LIPA: variants seen among roughly 807,000 people sequenced by gnomAD.
The protein encoded by LIPA is lipase A, lysosomal acid type, also known as lysosomal acid lipase/cholesteryl ester hydrolase.
In LIPA, 26 loss-of-function variants were observed where a neutral mutation model predicts 40.6. The observed-to-expected ratio is 0.64, with a 90% CI of 0.47 to 0.89. The LOEUF is 0.89. Among genes scored for constraint, LIPA ranks in the 40% least tolerant of loss-of-function variants. The pLI is 0.00. For missense variants in LIPA, 455 were observed against 479.6 expected (o/e 0.95, Z 0.48); for synonymous variants, 188 against 168.4 (o/e 1.12, Z -0.90).
intron 2 of LIPA, among the ~76,000 whole-genome samples, chr10:89,351,550 A>G (rs945264334): frequency 1.3e-5 from 2 of 152,222 alleles, no homozygotes; most frequent in Non-Finnish European, 2.9e-5. Context: ...GTTCAGCACA[A>G]CACAAACTAA....
intron 1 of LIPA, among the ~76,000 whole-genome samples, chr10:89,324,105 C>T (rs1174908030): frequency 6.6e-6 from 1 of 151,806 alleles, no homozygotes; most frequent in Non-Finnish European, 1.5e-5. Context: ...GAATAGAGAG[C>T]CCATGTTACC....
chr10:89,338,621 G>T (rs773740827), intron 1 of LIPA: 335 of 1,572,452 alleles, frequency 2.1e-4, no homozygotes, highest in Non-Finnish European at 2.7e-4. Context: ...GCAGTGCTTG[G>T]CAGTGTACAT....
At chr10:89,413,839 CAT>C (rs1841501331) in intron 1 of LIPA, among the ~76,000 whole-genome samples, 2 of 151,376 alleles carry the variant, frequency 1.3e-5, no homozygotes, top group South Asian at 4.2e-4. Context: ...TGAATACAGA[CAT>C]TAACTCAATA....
chr10:89,403,606 G>T (rs774785394), intron 2 of LIPA: 7 of 1,614,030 alleles, frequency 4.3e-6, no homozygotes, highest in Non-Finnish European at 5.9e-6. Flanking sequence ...AGCCTCCTTG[G>T]GTTCGTCTAC....
intron 2 of LIPA, chr10:89,403,550 G>T: frequency 6.2e-7 from 1 of 1,614,014 alleles, no homozygotes; most frequent in Non-Finnish European, 8.5e-7. Context: ...TGAAGAAATT[G>T]GTTTTAAGGA....
intron 4 of LIPA, 23 bp from the exon 5 acceptor site, chr10:89,227,027 T>C: frequency 7.3e-7 from 1 of 1,375,108 alleles, no homozygotes; most frequent in Non-Finnish European, 1.0e-6. Flanking sequence ...AAAGGAACTC[T>C]TTCATTGAAA....
intron 1 of LIPA, chr10:89,339,846 G>A (rs190798694): frequency 6.2e-7 from 1 of 1,614,200 alleles, no homozygotes. Flanking sequence ...ACAAGGAAGA[G>A]ATCAAAGACC....
At chr10:89,312,793 A>G (rs963544744) in intron 1 of LIPA, among the ~76,000 whole-genome samples, 1 of 151,804 alleles carries the variant, frequency 6.6e-6, no homozygotes, top group African/African-American at 2.4e-5. Flanking sequence ...TGGGTGACAC[A>G]GCAAGACTCC....
At chr10:89,274,404 G>GACGGGGTATGTGT (rs1213327305) in intron 1 of LIPA, among the ~76,000 whole-genome samples, 1 of 152,186 alleles carries the variant, frequency 6.6e-6, no homozygotes, top group African/African-American at 2.4e-5. Flanking sequence ...GAGGAGCAGT[G>GACGGGGTATGTGT]ACGGGGTATG....
At chr10:89,370,857 A>G (rs565882401) in intron 2 of LIPA, among the ~76,000 whole-genome samples, 14 of 152,148 alleles carry the variant, frequency 9.2e-5, no homozygotes, top group African/African-American at 3.4e-4. Context: ...CTCTACTGAA[A>G]AAGTACAAAA....
upstream of LIPA, among the ~76,000 whole-genome samples, chr10:89,255,195 A>G (rs1050061009): frequency 6.6e-6 from 1 of 152,216 alleles, no homozygotes. Context: ...AGACATACCC[A>G]AAACTAGGTA....
rs561712844 is a variant in LIPA, at chr10:89,402,243, C to T, written c.61+10548G>A. ...ATCTGACTTTTTTCTTTTAGCTGTT[C>T]CTCACCTAACAAAGAAAATCTGTTT... is the stretch of plus-strand genomic sequence containing the variant. On this transcript the variant is annotated intron_variant, in intron 2 of 8. Coordinates refer to the LIPA transcript ENST00000371837. 5.0e-5 allele frequency: 68 copies of T among 1,358,454 alleles called. No homozygotes were observed. The South Asian group carries it at 8.5e-4, about 17-fold the overall frequency. 84.2% of individuals were successfully genotyped at this position (1,358,454 alleles called of 1,614,324 possible). A position where few individuals can be genotyped will look rare whatever the true frequency, so the allele number is the denominator to read the frequency against.
intron 1 of LIPA, among the ~76,000 whole-genome samples, chr10:89,274,134 G>A (rs1843278654): frequency 6.6e-6 from 1 of 152,264 alleles, no homozygotes; most frequent in Non-Finnish European, 1.5e-5. Flanking sequence ...TGTGCCAGTG[G>A]CCCTTGGACA....
rs764984272 is a variant in LIPA, at chr10:89,339,742, C to T, written c.-2+2869G>A. 41 of 1,614,016 alleles carry T rather than the reference C, an allele frequency of 2.5e-5. No homozygotes were observed. The highest frequency in any genetic ancestry group is 3.3e-5 in the South Asian group (3 of 91,086). On this transcript the variant is annotated intron_variant, in intron 1 of 5. Transcript: ENST00000282673. ...TGCTGAAAAGCAACAATCCCATCAGCGCTACTGCAACCTTCAGAAATATAA... is the reference window on the plus strand; with the variant it reads ...TGCTGAAAAGCAACAATCCCATCAGTGCTACTGCAACCTTCAGAAATATAA...
At chr10:89,276,045 C>T (rs1122783) in intron 1 of LIPA, among the ~76,000 whole-genome samples, 78,527 of 151,988 alleles carry the variant, frequency 0.52, 20,955 homozygotes, top group East Asian at 0.88. Flanking sequence ...GTAGAGGATG[C>T]TAAGCTTTAA....
At chr10:89,371,432 T>A (rs865782267) in intron 2 of LIPA, among the ~76,000 whole-genome samples, 1 of 152,256 alleles carries the variant, frequency 6.6e-6, no homozygotes, top group Non-Finnish European at 1.5e-5. Flanking sequence ...ATGTCTTCTA[T>A]GAGCCTCACA....
intron 2 of LIPA, among the ~76,000 whole-genome samples, chr10:89,369,255 A>G (rs17476559): frequency 0.14 from 21,856 of 152,192 alleles, 2,198 homozygotes; most frequent in Non-Finnish European, 0.21. Context: ...GGGCCCCAGA[A>G]TGTCTCTTAA....
chr10:89,394,648 G>T lies in LIPA; in HGVS notation c.61+18143C>A, dbSNP rs1844314919. Among the ~76,000 whole-genome samples, 5 of 132,154 alleles carry T rather than the reference G, an allele frequency of 3.8e-5. No individual in the cohort carries two copies. The South Asian group carries it at 9.6e-4, about 25-fold the overall frequency. The allele number at this position is 132,154 out of a possible 152,430, so 86.7% of individuals were successfully genotyped here. A position where few individuals can be genotyped will look rare whatever the true frequency, so the allele number is the denominator to read the frequency against. On this transcript the variant is annotated intron_variant, in intron 2 of 8. Transcript: ENST00000371837. ...TATATAAAACTTGAATTTTATTCAG[G>T]TTAGCAATGTGATTTTTTATTGTGA...
chr10:89,374,798 C>G (rs304508), intron 2 of LIPA, among the ~76,000 whole-genome samples: 49,121 of 152,054 alleles, frequency 0.32, 8,933 homozygotes, highest in East Asian at 0.53. Context: ...CTCTTCTCCC[C>G]CTACACAGGT....
Sources: gnomAD v4.1 joint callset for allele counts (sites outside exome capture counted in the v4.1 genomes callset) on GRCh38, gnomAD v4.1.1 for gene constraint, MANE v1.5 for transcripts, NCBI Gene and HGNC (gene_info 2026-07-23, HGNC 2026-07-21) for gene names.